Variants in KCNMA1 observed in about 807,000 individuals in gnomAD.
KCNMA1 encodes the protein Calcium-activated potassium channel subunit alpha-1.
KCNMA1 carries 29 observed loss-of-function variants against 140.0 expected under a neutral mutation model. That is an observed-to-expected ratio of 0.21 (90% CI 0.15 to 0.28). The LOEUF is 0.28. KCNMA1 is among the 10% of genes least tolerant of loss of function. The pLI, the probability that KCNMA1 is intolerant of heterozygous loss-of-function variation, is 1.00. For missense variants in KCNMA1, 880 were observed against 1,602.2 expected (o/e 0.55, Z 7.70); for synonymous variants, 612 against 611.9 (o/e 1.00, Z 0.00).
At chr10:76,990,550 A>C (rs549570091) in intron 19 of KCNMA1, among the ~76,000 whole-genome samples, 1 of 152,232 alleles carries the variant, frequency 6.6e-6, no homozygotes, top group South Asian at 2.1e-4. Context: ...TTTCACATTC[A>C]TGCCCTAACT....
chr10:77,311,797 C>G (rs185454278), intron 2 of KCNMA1, among the ~76,000 whole-genome samples: 2 of 152,320 alleles, frequency 1.3e-5, no homozygotes, highest in Non-Finnish European at 2.9e-5. Flanking sequence ...ATCTGCCTCT[C>G]AGGGACCTAA....
chr10:77,210,587 GA>G (rs1266273467), intron 3 of KCNMA1, among the ~76,000 whole-genome samples: 2 of 152,100 alleles, frequency 1.3e-5, no homozygotes, highest in African/African-American at 4.8e-5. Flanking sequence ...GAGAAAGAAA[GA>G]AAAGGCAACC....
chr10:77,630,099 C>G (rs966225346), intron 1 of KCNMA1, among the ~76,000 whole-genome samples: 1 of 152,190 alleles, frequency 6.6e-6, no homozygotes, highest in Admixed American at 6.5e-5. Flanking sequence ...ACGGGCAGCT[C>G]TTCAGCCAAT....
intron 12 of KCNMA1, among the ~76,000 whole-genome samples, chr10:77,081,769 C>T (rs1384622851): frequency 1.3e-5 from 2 of 152,118 alleles, no homozygotes; most frequent in Admixed American, 6.5e-5. Context: ...CAGTTCACAG[C>T]TTCAGCCAGT....
At chr10:77,266,105 C>T (rs1022724806) in intron 2 of KCNMA1, among the ~76,000 whole-genome samples, 5 of 150,070 alleles carry the variant, frequency 3.3e-5, no homozygotes, top group African/African-American at 9.8e-5. Context: ...ACCTCGTAGG[C>T]TTAGATTTCT....
chr10:77,547,272 G>C (rs992092372), intron 1 of KCNMA1, among the ~76,000 whole-genome samples: 5 of 152,114 alleles, frequency 3.3e-5, no homozygotes, highest in African/African-American at 1.2e-4. Context: ...GCTGCTGAAG[G>C]CTCCCACTGC....
chr10:77,325,737 G>T (rs1030177618), intron 2 of KCNMA1, among the ~76,000 whole-genome samples: 3 of 152,232 alleles, frequency 2.0e-5, no homozygotes, highest in Non-Finnish European at 2.9e-5. Context: ...GCTTTGCTGT[G>T]CTTGCCTCTG....
At chr10:77,006,334 C>A (rs2088621241) in intron 18 of KCNMA1, among the ~76,000 whole-genome samples, 1 of 152,116 alleles carries the variant, frequency 6.6e-6, no homozygotes, top group African/African-American at 2.4e-5. Flanking sequence ...CTTTTCAGGT[C>A]ACAGCCTCAC....
At chr10:76,943,710 G>A (rs1725603325) in intron 23 of KCNMA1, among the ~76,000 whole-genome samples, 1 of 152,192 alleles carries the variant, frequency 6.6e-6, no homozygotes, top group African/African-American at 2.4e-5. Flanking sequence ...TATTGTTCCT[G>A]GCTTTTCTGC....
chr10:77,297,408 G>A (rs1478401595), intron 2 of KCNMA1, among the ~76,000 whole-genome samples: 1 of 152,048 alleles, frequency 6.6e-6, no homozygotes. Context: ...GAAATTTTAC[G>A]GCTATTTTCT....
intron 1 of KCNMA1, among the ~76,000 whole-genome samples, chr10:77,564,021 C>A (rs981297592): frequency 6.6e-5 from 10 of 152,200 alleles, no homozygotes; most frequent in Non-Finnish European, 1.5e-4. Flanking sequence ...TATAAATGTA[C>A]CTCCTTATTA....
At chr10:77,122,966 C>T (rs1272336) in intron 5 of KCNMA1, among the ~76,000 whole-genome samples, 3,542 of 151,716 alleles carry the variant, frequency 0.023, 238 homozygotes, top group East Asian at 0.16. Flanking sequence ...ATCACGAGGT[C>T]AGGAGATCGA....
intron 2 of KCNMA1, among the ~76,000 whole-genome samples, chr10:77,334,631 G>A (rs183545904): frequency 6.6e-6 from 1 of 152,174 alleles, no homozygotes; most frequent in East Asian, 1.9e-4. Context: ...ATGGGATGCT[G>A]AGGTCTCTGT....
chr10:77,421,089 G>A (rs1259652284), intron 1 of KCNMA1, among the ~76,000 whole-genome samples: 1 of 152,236 alleles, frequency 6.6e-6, no homozygotes, highest in Non-Finnish European at 1.5e-5. Flanking sequence ...CAGGCATCTG[G>A]CCACATACTG....
chr10:77,423,669 T>C lies in KCNMA1; in HGVS notation c.379-19646A>G, dbSNP rs149847747. 3.9e-3 allele frequency among the ~76,000 whole-genome samples: 591 copies of C among 152,266 alleles called. 2 individuals carry two copies. Among genetic ancestry groups the C allele is most frequent in the African/African-American group, 0.013 (550 of 41,554 alleles). On this transcript the variant is annotated intron_variant, in intron 1 of 27. Transcript: ENST00000286628. ...ATGCCTTCTCTGCCTCTCCAATCCA[T>C]GCCAACCCAGGGCTGGCTGCTCACA... is the stretch of plus-strand genomic sequence containing the variant.
chr10:77,431,985 C>T (rs2097164632), intron 1 of KCNMA1, among the ~76,000 whole-genome samples: 1 of 151,262 alleles, frequency 6.6e-6, no homozygotes, highest in African/African-American at 2.4e-5. Flanking sequence ...GAGCAAGACT[C>T]TATCTCTGAA....
chr10:76,986,700 C>G (rs1456058972), intron 19 of KCNMA1, among the ~76,000 whole-genome samples: 1 of 152,204 alleles, frequency 6.6e-6, no homozygotes, highest in African/African-American at 2.4e-5. Flanking sequence ...AAGGTGCACA[C>G]CCTGCCTTAA....
At chr10:77,608,530 C>T (rs1048732099) in intron 1 of KCNMA1, among the ~76,000 whole-genome samples, 13 of 152,234 alleles carry the variant, frequency 8.5e-5, no homozygotes, top group Non-Finnish European at 1.9e-4. Flanking sequence ...GGAGAGGATG[C>T]ACCCCCACAC....
At chr10:77,148,678 T>C (rs148474278) in intron 5 of KCNMA1, among the ~76,000 whole-genome samples, 35 of 152,350 alleles carry the variant, frequency 2.3e-4, no homozygotes, top group African/African-American at 7.9e-4. Context: ...TTTTGGGCTT[T>C]GTAAGCTGCA....
Sources: gnomAD v4.1 joint callset for allele counts (sites outside exome capture counted in the v4.1 genomes callset) on GRCh38, gnomAD v4.1.1 for gene constraint, MANE v1.5 for transcripts, NCBI Gene and HGNC (gene_info 2026-07-23, HGNC 2026-07-21) for gene names.